The following C2orf49 variants were observed in gnomAD, a reference collection of about 807,000 sequenced individuals.
The protein encoded by C2orf49 is tRNA-splicing ligase complex subunit ASW.
A neutral mutation model predicts 20.6 loss-of-function variants in C2orf49; 11 were observed. The ratio of observed to expected loss-of-function variants is 0.53; its 90% confidence interval spans 0.34 to 0.88. C2orf49 has a LOEUF of 0.88. C2orf49 is among the 40% of genes least tolerant of loss of function. C2orf49 has a pLI of 0.02. For synonymous variants in C2orf49, 134 were observed against 108.5 expected (o/e 1.24, Z -1.46); for missense variants, 289 against 274.2 (o/e 1.05, Z -0.38).
downstream of C2orf49, among the ~76,000 whole-genome samples, chr2:105,350,031 G>T (rs2104459185): frequency 1.3e-5 from 2 of 152,264 alleles, no homozygotes; most frequent in South Asian, 4.1e-4. Context: ...ATACCCACTG[G>T]AAATACATGG....
the C2orf49 span, among the ~76,000 whole-genome samples, chr2:105,374,787 A>G: frequency 6.6e-6 from 1 of 152,214 alleles, no homozygotes; most frequent in Non-Finnish European, 1.5e-5. Flanking sequence ...GCCCAGCTTT[A>G]TCTTAGAAAG....
At chr2:105,373,788 C>A in the C2orf49 span, 1 of 1,592,874 alleles carries the variant, frequency 6.3e-7, no homozygotes, top group Non-Finnish European at 8.6e-7. Context: ...GGCTTGGACC[C>A]ACAGCATAGG....
the C2orf49 span, among the ~76,000 whole-genome samples, chr2:105,356,756 A>G: frequency 6.6e-6 from 1 of 152,164 alleles, no homozygotes; most frequent in African/African-American, 2.4e-5. Context: ...AGTCTTAATT[A>G]TATAGCTATA....
At chr2:105,353,147 G>T (rs186220865), downstream of C2orf49, among the ~76,000 whole-genome samples, 183 of 152,192 alleles carry the variant, frequency 1.2e-3, 4 homozygotes, top group Admixed American at 0.012. Flanking sequence ...TTTTAATCAA[G>T]AAATCACTTC....
At chr2:105,349,669 T>G (rs1433213392), downstream of C2orf49, among the ~76,000 whole-genome samples, 1 of 152,144 alleles carries the variant, frequency 6.6e-6, no homozygotes, top group Non-Finnish European at 1.5e-5. Flanking sequence ...AAACAGACAG[T>G]GAACCATGAA....
chr2:105,359,540 C>T, the C2orf49 span: 1 of 152,118 alleles, frequency 6.6e-6, no homozygotes, highest in Non-Finnish European at 1.5e-5. Flanking sequence ...ATTGCATTGT[C>T]TTAGAAAACT....
At chr2:105,371,942 C>T in the C2orf49 span, among the ~76,000 whole-genome samples, 1 of 152,014 alleles carries the variant, frequency 6.6e-6, no homozygotes, top group Non-Finnish European at 1.5e-5. Flanking sequence ...CACTGGGGCC[C>T]GAGTTTCCAG....
At chr2:105,342,101 G>A (rs917245138) in intron 2 of C2orf49, among the ~76,000 whole-genome samples, 5 of 152,246 alleles carry the variant, frequency 3.3e-5, no homozygotes, top group Non-Finnish European at 7.3e-5. Flanking sequence ...GAACCTGGGA[G>A]GCAGAGGTTG....
At chr2:105,373,757 C>T in the C2orf49 span, 1 of 1,612,630 alleles carries the variant, frequency 6.2e-7, no homozygotes, top group East Asian at 2.2e-5. Context: ...CCACACAAGA[C>T]AGTCAGAGGC....
At chr2:105,369,063 T>A in the C2orf49 span, among the ~76,000 whole-genome samples, 1 of 152,212 alleles carries the variant, frequency 6.6e-6, no homozygotes, top group Admixed American at 6.5e-5. Flanking sequence ...GTTGAGTAGT[T>A]GTGACAGAGA....
At chr2:105,352,101 G>T, downstream of C2orf49, among the ~76,000 whole-genome samples, 1 of 152,178 alleles carries the variant, frequency 6.6e-6, no homozygotes, top group Non-Finnish European at 1.5e-5. Flanking sequence ...TATAGAGGTT[G>T]CAGAATTGTT....
the C2orf49 span, among the ~76,000 whole-genome samples, chr2:105,381,116 G>A: frequency 5.9e-5 from 9 of 152,012 alleles, no homozygotes; most frequent in South Asian, 2.1e-4. Context: ...TCCCTCCTTC[G>A]CACCCCATTC....
At chr2:105,345,241 T>G (rs1679780382) in intron 3 of C2orf49, 74 bp from the exon 4 acceptor site, 2 of 1,319,730 alleles carry the variant, frequency 1.5e-6, no homozygotes, top group South Asian at 2.5e-5. Context: ...AAACCTTGGT[T>G]GTTTGAAATG....
At chr2:105,337,817 C>T (rs1007953241) in intron 1 of C2orf49, 131 bp downstream of exon 1, 2 of 741,438 alleles carry the variant, frequency 2.7e-6, no homozygotes, top group African/African-American at 1.8e-5. Context: ...TCCACCCACA[C>T]AGACCAGGCA....
chr2:105,355,613 G>GA, the C2orf49 span, among the ~76,000 whole-genome samples: 2 of 151,634 alleles, frequency 1.3e-5, no homozygotes, highest in African/African-American at 2.4e-5. Context: ...GCTGTTTAAT[G>GA]AAAAAAAAGA....
chr2:105,360,425 C>T, the C2orf49 span: 2 of 151,430 alleles, frequency 1.3e-5, no homozygotes, highest in African/African-American at 4.9e-5. Flanking sequence ...GGTGCCATCT[C>T]AGCTCACTGC....
chr2:105,360,924 T>C, the C2orf49 span: 2 of 174,578 alleles, frequency 1.1e-5, no homozygotes. Flanking sequence ...GTCATTACCT[T>C]ATTGAGTTTA....
chr2:105,337,748 G>A, intron 1 of C2orf49, 62 bp downstream of exon 1: 3 of 1,442,842 alleles, frequency 2.1e-6, no homozygotes, highest in Non-Finnish European at 2.8e-6. Context: ...GCTTGCACCC[G>A]AGCTTGCCTT....
At chr2:105,378,129 T>A in the C2orf49 span, 2 of 471,112 alleles carry the variant, frequency 4.2e-6, no homozygotes, top group South Asian at 3.1e-5. Flanking sequence ...TGCACAGACA[T>A]GGAAAAGCTG....
Sources: allele counts gnomAD v4.1 joint callset (sites outside exome capture counted in the v4.1 genomes callset), GRCh38; gene constraint gnomAD v4.1.1; transcripts MANE v1.5; gene names NCBI Gene and HGNC (gene_info 2026-07-23, HGNC 2026-07-21).